Variants in PLEC observed in about 807,000 individuals in gnomAD.
PLEC encodes the protein plectin.
PLEC carries 216 observed loss-of-function variants against 392.8 expected under a neutral mutation model. The observed-to-expected ratio is 0.55, with a 90% CI of 0.49 to 0.62. The LOEUF is 0.62. Among genes scored for constraint, PLEC ranks in the 20% least tolerant of loss-of-function variants. The probability of loss-of-function intolerance (pLI) is 0.00; values close to 1 mark genes in which losing one functional copy is unlikely to be tolerated. For missense variants in PLEC, 6,863 were observed against 6,563.4 expected (o/e 1.05, Z -1.58); for synonymous variants, 3,621 against 2,980.6 (o/e 1.21, Z -7.00).
chr8:143,945,207 C>T (rs782818957), intron 1 of PLEC: 41 of 489,132 alleles, frequency 8.4e-5, no homozygotes, highest in Admixed American at 2.0e-4. Context: ...CCCAAAGTCA[C>T]GCGCAGGCCA....
chr8:143,952,988 GCCACCC>G (rs1347166981), upstream of PLEC, among the ~76,000 whole-genome samples: 1 of 84,482 alleles, frequency 1.2e-5, no homozygotes, highest in Non-Finnish European at 2.6e-5. Flanking sequence ...TGCGGCATGC[GCCACCC>G]CCCCCCGCCT....
Position 143,917,352 on chromosome 8 carries a change from C to A in PLEC, c.12469G>T (p.Ala4157Ser). The A allele has an allele frequency of 1.9e-6, 3 of 1,610,336 alleles. No homozygotes were observed. Among genetic ancestry groups the A allele is most frequent in the Non-Finnish European group, 2.5e-6 (3 of 1,180,006 alleles). The stretch of plus-strand genomic sequence containing the variant: ...TGGTCAATCAGGCCCTTGCGGTAGG[C>A]CTCGTACACTGACATCTCCTTGCCC... The part of the protein sequence containing the change: ...ETGKEMSVYE[A>S]YRKGLIDHQT... The change falls in exon 32 of 32, where the codon GCC (alanine) becomes TCC (serine). Residue 4157 changes from alanine to serine, a missense_variant. By Grantham distance (99) the Ala-to-Ser change is moderately conservative. Transcript: ENST00000345136.
At position 143,920,911 on chromosome 8, in the gene PLEC, G is replaced by A. The variant is rs782399057; in HGVS notation, c.8910C>T (p.Gly2970=). 4.3e-6 allele frequency: 7 copies of A among 1,612,468 alleles called. No individual in the cohort carries two copies. In the East Asian group the frequency reaches 1.6e-4, roughly 36 times the overall value. Residue 2970 remains glycine, a synonymous_variant, in exon 32 of 32, where the codon GGC becomes GGT. Coordinates refer to ENST00000345136, the MANE Select transcript of PLEC (RefSeq NM_201384.3). The part of the protein sequence containing the change: ...ITVVEEQEQK[G]RLCFEGLRSL... ...TGCGCAGGCCCTCAAAGCAAAGCCG[G>A]CCCTTCTGCTCCTGCTCCTCCACCA...
chr8:143,953,765 G>A, upstream of PLEC: 1 of 1,612,268 alleles, frequency 6.2e-7, no homozygotes. Context: ...GCTCGCGAGG[G>A]GTCCATGTCT....
chr8:143,939,157 G>A (rs550323660), intron 1 of PLEC, among the ~76,000 whole-genome samples, 193 bp downstream of exon 1: 4 of 152,298 alleles, frequency 2.6e-5, no homozygotes, highest in African/African-American at 9.6e-5. Flanking sequence ...GACATCTGAC[G>A]CTCGGAGGCC....
chr8:143,929,764 G>A lies in PLEC; in HGVS notation c.2805C>T (p.Ala935=), dbSNP rs2131733148. 2 of 1,600,400 alleles carry A rather than the reference G, an allele frequency of 1.2e-6. No individual in the cohort carries two copies. The highest frequency in any genetic ancestry group is 1.1e-5 in the South Asian group (1 of 90,900). ...CCGCGTCCTGGCTGTCCCGCAGGAA[G>A]GCCTGGTAGTGCAGCTCCAGGCTGT... ...ALHSLELHYQ[A]FLRDSQDAGG... Residue 935 remains alanine (A), a synonymous_variant, in exon 23 of 32, where the codon GCC becomes GCT. Transcript: ENST00000345136.
At chr8:143,946,239 A>G (rs1005539219) in intron 1 of PLEC, 130 of 762,150 alleles carry the variant, frequency 1.7e-4, no homozygotes, top group Non-Finnish European at 2.3e-4. Flanking sequence ...CTATCCCTGC[A>G]TCCCAGGTCT....
At chr8:143,950,937 C>T (rs1007462041), upstream of PLEC, 10 of 875,984 alleles carry the variant, frequency 1.1e-5, no homozygotes, top group East Asian at 1.8e-4. Flanking sequence ...GCCGGCTGCC[C>T]GCCTTCCTCC....
Position 143,917,811 on chromosome 8 carries a change from G to A in PLEC, c.12010C>T (p.Leu4004=). The change falls in exon 32 of 32, where the codon CTG becomes TTG. Residue 4004 remains leucine (L), a synonymous_variant. Transcript: ENST00000345136. The part of the protein sequence containing the change: ...GIVGPEFKDK[L]LSAERAVTGY... ...GTGACGGCGCGCTCGGCCGACAGCA[G>A]CTTGTCCTTGAACTCGGGGCCCACA... 6.2e-7 allele frequency: 1 copy of A among 1,613,516 alleles called. No homozygotes were observed. Among genetic ancestry groups the A allele is most frequent in the Non-Finnish European group, 8.5e-7 (1 of 1,180,024 alleles).
In PLEC at chr8:143,919,682, A is replaced by G; in HGVS notation, c.10139T>C (p.Leu3380Pro). ...SIYEAMRRGL[L>P]RATTAALLLE... ...CAGGAGCGCAGCCGTTGTGGCTCTCAGCAGGCCCCGGCGCATGGCCTCGTA... is the reference window on the plus strand; with the variant it reads ...CAGGAGCGCAGCCGTTGTGGCTCTCGGCAGGCCCCGGCGCATGGCCTCGTA... Residue 3380 changes from leucine (L) to proline (P), a missense_variant, in exon 32 of 32, where the codon CTG becomes CCG. Transcript: ENST00000345136. 2 of 1,601,142 alleles carry G rather than the reference A, an allele frequency of 1.2e-6. No individual in the cohort carries two copies. Among genetic ancestry groups the G allele is most frequent in the Non-Finnish European group, 1.7e-6 (2 of 1,175,222 alleles).
rs782264195 is a variant in PLEC at position 143,921,239 on chromosome 8, T to C, written c.8582A>G (p.Asn2861Ser). ...KGFFDPNTHE[N>S]LTYLQLLERC... ...CTCCAGTAGCTGCAGGTACGTGAGGTTCTCGTGCGTGTTGGGGTCAAAGAA... is the reference window on the plus strand; with the variant it reads ...CTCCAGTAGCTGCAGGTACGTGAGGCTCTCGTGCGTGTTGGGGTCAAAGAA... The change falls in exon 32 of 32, where the codon AAC (asparagine) becomes AGC (serine). Residue 2861 changes from asparagine to serine, a missense_variant. Asn to Ser is a conservative substitution (Grantham distance 46). Transcript: ENST00000345136. 10 of 1,613,960 alleles carry C rather than the reference T, an allele frequency of 6.2e-6. No individual in the cohort carries two copies. In the East Asian group the frequency reaches 1.8e-4, roughly 29 times the overall value.
chr8:143,944,305 C>A (rs1023789567), upstream of PLEC, among the ~76,000 whole-genome samples: 1 of 152,206 alleles, frequency 6.6e-6, no homozygotes, highest in Non-Finnish European at 1.5e-5. Flanking sequence ...TCCCAGCCTC[C>A]CCCTGCTGTC....
intron 1 of PLEC, among the ~76,000 whole-genome samples, chr8:143,968,328 G>A (rs1490246425): frequency 2.6e-5 from 4 of 151,656 alleles, no homozygotes; most frequent in South Asian, 2.1e-4. Context: ...GGTGGCTCAC[G>A]CTGTAATCCC....
rs782129642 is a variant in PLEC, at chr8:143,923,573, T to C, written c.6356A>G (p.Gln2119Arg). The change falls in exon 31 of 32, where the codon CAG becomes CGG. Residue 2119 changes from glutamine (Q) to arginine (R), a missense_variant. By Grantham distance (43) the Gln-to-Arg change is conservative. Transcript: ENST00000345136. ...GGCCTGTGCCTGCTCCTCTGCCGAC[T>C]GCTTCAGCCGCTCGGCCTCTTCCAC... is the stretch of plus-strand genomic sequence containing the variant. Reference protein sequence around the residue: ...RQVEEAERLKQSAEEQAQARA... With the variant: ...RQVEEAERLKRSAEEQAQARA... 3.8e-6 allele frequency: 6 copies of C among 1,596,568 alleles called. No individual in the cohort carries two copies. The Admixed American group carries it at 1.0e-4, about 27-fold the overall frequency.
In PLEC at chr8:143,929,976, C is replaced by T. The variant is rs376953993; in HGVS notation, c.2699G>A (p.Arg900His). 119 of 1,611,618 alleles carry T rather than the reference C, an allele frequency of 7.4e-5. No homozygotes were observed. Among genetic ancestry groups the T allele is most frequent in the Admixed American group, 1.2e-4 (7 of 59,942 alleles). Reference sequence around the variant, plus strand: ...GGAGCGGATGAGCTGCACGTCGCGGCGAAGGCTCTGCCAGGCCAGAAGGCT... The same window carrying T: ...GGAGCGGATGAGCTGCACGTCGCGGTGAAGGCTCTGCCAGGCCAGAAGGCT... ...MKSLLAWQSL[R>H]RDVQLIRSWS... The change falls in exon 22 of 32, where the codon CGC (arginine) becomes CAC (histidine). Residue 900 changes from arginine to histidine, a missense_variant. Physicochemically the swap from Arg to His is conservative, Grantham distance 29. Transcript: ENST00000345136.
chr8:143,975,381 A>AG, upstream of PLEC: 4 of 1,604,534 alleles, frequency 2.5e-6, no homozygotes, highest in South Asian at 4.4e-5. The surrounding 1 kb of genome is among the most constrained non-coding windows in gnomAD (Gnocchi z 9.9). Flanking sequence ...GCCTCCTGGA[A>AG]GGGGAGCAGG....
chr8:143,918,334 G>C lies in PLEC; in HGVS notation c.11487C>G (p.Leu3829=). 3 of 1,585,164 alleles carry C rather than the reference G, an allele frequency of 1.9e-6. No individual in the cohort carries two copies. The highest frequency in any genetic ancestry group is 2.6e-6 in the Non-Finnish European group (3 of 1,172,698). The change falls in exon 32 of 32, where the codon CTC becomes CTG. Residue 3829 remains leucine, a synonymous_variant. Transcript: ENST00000345136. ...PLEVAYQRGY[L]NKDTHDQLSE... is the part of the protein sequence containing the mutation. The stretch of plus-strand genomic sequence containing the variant: ...ACAGCTGGTCGTGCGTGTCCTTGTT[G>C]AGGTAGCCACGCTGGTAAGCCACCT...
intron 6 of PLEC, 101 bp downstream of exon 6, chr8:143,935,747 C>A (rs1554722622): frequency 1.5e-6 from 2 of 1,323,432 alleles, no homozygotes; most frequent in Non-Finnish European, 1.1e-6. Context: ...CATCCCTGTT[C>A]CTCCTGCCCT....
chr8:143,918,693 G>A lies in PLEC; in HGVS notation c.11128C>T (p.Leu3710Phe), dbSNP rs1554675966. Reference protein sequence around the residue: ...SRQTLSIYQALKKGLLSAEVA... With the variant: ...SRQTLSIYQAFKKGLLSAEVA... ...TCGGCACTCAGCAGCCCTTTCTTGAGAGCCTGGTAGATGCTCAGTGTCTGC... is the reference window on the plus strand; with the variant it reads ...TCGGCACTCAGCAGCCCTTTCTTGAAAGCCTGGTAGATGCTCAGTGTCTGC... The change falls in exon 32 of 32, where the codon CTC becomes TTC. Residue 3710 changes from leucine to phenylalanine, a missense_variant. Leu to Phe is a conservative substitution (Grantham distance 22). Coordinates refer to ENST00000345136, the MANE Select transcript of PLEC (RefSeq NM_201384.3). 4.3e-6 allele frequency: 7 copies of A among 1,612,972 alleles called. No homozygotes were observed. The Admixed American group carries it at 5.0e-5, about 12-fold the overall frequency.
Sources: allele counts gnomAD v4.1 joint callset (sites outside exome capture counted in the v4.1 genomes callset), GRCh38; gene constraint gnomAD v4.1.1; non-coding constraint Gnocchi (gnomAD v3.1); transcripts MANE v1.5; gene names NCBI Gene and HGNC (gene_info 2026-07-23, HGNC 2026-07-21).